Variants in SORCS1 observed in about 807,000 individuals in gnomAD.
SORCS1 encodes the protein sortilin related VPS10 domain containing receptor 1.
SORCS1 carries 60 observed loss-of-function variants against 146.1 expected under a neutral mutation model. The observed-to-expected ratio is 0.41, with a 90% CI of 0.33 to 0.51. The LOEUF is 0.51. Among genes scored for constraint, SORCS1 ranks in the 20% least tolerant of loss-of-function variants. The pLI, the probability that SORCS1 is intolerant of heterozygous loss-of-function variation, is 0.21. For synonymous variants in SORCS1, 637 were observed against 584.0 expected (o/e 1.09, Z -1.31); for missense variants, 1,352 against 1,487.6 (o/e 0.91, Z 1.50).
chr10:106,772,881 G>T (rs1033616802), intron 4 of SORCS1, among the ~76,000 whole-genome samples: 3 of 152,088 alleles, frequency 2.0e-5, no homozygotes, highest in Non-Finnish European at 2.9e-5. Flanking sequence ...TATCCTGCAG[G>T]CCGGAGCTCC....
intron 17 of SORCS1, among the ~76,000 whole-genome samples, chr10:106,660,157 C>T (rs538440895): frequency 4.7e-4 from 71 of 152,298 alleles, no homozygotes; most frequent in Middle Eastern, 3.4e-3. Flanking sequence ...ACAGAATCAC[C>T]TGGAAAAGAC....
chr10:106,607,472 C>T (rs1488263258), intron 22 of SORCS1, among the ~76,000 whole-genome samples, 175 bp from the exon 23 acceptor site: 2 of 152,164 alleles, frequency 1.3e-5, no homozygotes, highest in Non-Finnish European at 2.9e-5. Context: ...GCTATTAGGT[C>T]CAGGCTCCGG....
Position 107,136,668 on chromosome 10 carries a change from C to A in SORCS1, c.558+27301G>T, listed in dbSNP as rs542629600. ...CACATATATCATTTGATCTTCATAA[C>A]CACATTGATTATTAAGTCCAGGTTA... On this transcript the variant is annotated intron_variant, in intron 1 of 25. Transcript: ENST00000263054. 9.1e-4 allele frequency among the ~76,000 whole-genome samples: 139 copies of A among 152,274 alleles called. 1 individual carries two copies. Among genetic ancestry groups the A allele is most frequent in the African/African-American group, 3.2e-3 (134 of 41,562 alleles).
At chr10:106,590,565 C>T (rs1589677612) in intron 24 of SORCS1, among the ~76,000 whole-genome samples, 1 of 152,144 alleles carries the variant, frequency 6.6e-6, no homozygotes, top group South Asian at 2.1e-4. Flanking sequence ...CCACAAGTAA[C>T]TATATGGATC....
At chr10:107,123,941 G>A (rs550439293) in intron 1 of SORCS1, among the ~76,000 whole-genome samples, 10 of 150,854 alleles carry the variant, frequency 6.6e-5, no homozygotes, top group Non-Finnish European at 1.0e-4. Flanking sequence ...AAAAAAATGA[G>A]CTGGGCGTGG....
chr10:107,176,595 C>T, the SORCS1 span, among the ~76,000 whole-genome samples: 2 of 152,084 alleles, frequency 1.3e-5, no homozygotes, highest in South Asian at 4.1e-4. Flanking sequence ...CCAGCTTGGC[C>T]TCCCAAAGTG....
intron 1 of SORCS1, among the ~76,000 whole-genome samples, chr10:106,963,110 ATTTTT>A (rs749174613): frequency 1.8e-4 from 14 of 76,298 alleles, no homozygotes; most frequent in African/African-American, 3.7e-4. Flanking sequence ...AATGGCCAGA[ATTTTT>A]TTTTTTTTTT....
intron 3 of SORCS1, among the ~76,000 whole-genome samples, chr10:106,795,764 G>T (rs1946525760): frequency 6.6e-6 from 1 of 152,188 alleles, no homozygotes; most frequent in Non-Finnish European, 1.5e-5. Flanking sequence ...AGATTGAATG[G>T]GAACATTCTG....
At chr10:107,035,605 A>G (rs540339401) in intron 1 of SORCS1, among the ~76,000 whole-genome samples, 1 of 152,184 alleles carries the variant, frequency 6.6e-6, no homozygotes, top group Non-Finnish European at 1.5e-5. Flanking sequence ...CAGATGAGGC[A>G]TAGGGCTCAC....
At chr10:107,011,336 C>T (rs1475345081) in intron 1 of SORCS1, among the ~76,000 whole-genome samples, 1 of 152,170 alleles carries the variant, frequency 6.6e-6, no homozygotes, top group Non-Finnish European at 1.5e-5. Flanking sequence ...TGAAAGTCTG[C>T]AATGGAATGT....
intron 3 of SORCS1, among the ~76,000 whole-genome samples, chr10:106,796,492 C>A (rs538249105): frequency 9.2e-5 from 14 of 152,238 alleles, no homozygotes; most frequent in Non-Finnish European, 2.1e-4. Flanking sequence ...AGTCCCATCC[C>A]GGCAAGACTC....
At chr10:106,631,632 T>C (rs891371439) in intron 18 of SORCS1, among the ~76,000 whole-genome samples, 4 of 152,114 alleles carry the variant, frequency 2.6e-5, no homozygotes, top group African/African-American at 7.2e-5. Flanking sequence ...TTAAAGTACT[T>C]TGTGGTGACA....
chr10:107,005,999 C>G (rs1957427450), intron 1 of SORCS1, among the ~76,000 whole-genome samples: 1 of 152,154 alleles, frequency 6.6e-6, no homozygotes, highest in South Asian at 2.1e-4. Flanking sequence ...CATCTTTAGG[C>G]TGTATTTTGA....
intron 17 of SORCS1, among the ~76,000 whole-genome samples, chr10:106,659,040 G>A (rs1850520144): frequency 6.6e-6 from 1 of 152,174 alleles, no homozygotes; most frequent in South Asian, 2.1e-4. Flanking sequence ...GATCCCATGT[G>A]ACAAAGTATG....
intron 5 of SORCS1, among the ~76,000 whole-genome samples, chr10:106,735,745 G>T: frequency 6.6e-6 from 1 of 152,192 alleles, no homozygotes; most frequent in East Asian, 1.9e-4. Context: ...AGCACCTTTT[G>T]TGTAATGCTC....
intron 1 of SORCS1, among the ~76,000 whole-genome samples, chr10:107,033,248 C>T (rs190123094): frequency 1.1e-3 from 171 of 152,282 alleles, no homozygotes; most frequent in African/African-American, 3.7e-3. Context: ...CTCACCATCA[C>T]GAGAACAGCA....
At chr10:106,921,617 A>G (rs1337817492) in intron 2 of SORCS1, among the ~76,000 whole-genome samples, 1 of 152,228 alleles carries the variant, frequency 6.6e-6, no homozygotes, top group Non-Finnish European at 1.5e-5. Context: ...TGCAAGGGAC[A>G]CAGGGAGTCG....
At chr10:106,682,052 C>T (rs1227019530) in intron 10 of SORCS1, among the ~76,000 whole-genome samples, 2 of 152,110 alleles carry the variant, frequency 1.3e-5, no homozygotes, top group Non-Finnish European at 2.9e-5. Flanking sequence ...CACTCAAACC[C>T]GGGAGGTGGA....
chr10:107,023,240 T>C (rs1336052757), intron 1 of SORCS1, among the ~76,000 whole-genome samples: 1 of 152,174 alleles, frequency 6.6e-6, no homozygotes, highest in Admixed American at 6.5e-5. Flanking sequence ...TTTTTATTCT[T>C]AGTACACTGC....
Sources: allele counts gnomAD v4.1 joint callset (sites outside exome capture counted in the v4.1 genomes callset), GRCh38; gene constraint gnomAD v4.1.1; transcripts MANE v1.5; gene names NCBI Gene and HGNC (gene_info 2026-07-23, HGNC 2026-07-21).